ADAMTS17: variants seen among roughly 807,000 people sequenced by gnomAD.
ADAMTS17 encodes the protein A disintegrin and metalloproteinase with thrombospondin motifs 17.
ADAMTS17 carries 113 observed loss-of-function variants against 141.5 expected under a neutral mutation model. The ratio of observed to expected loss-of-function variants is 0.80; its 90% CI spans 0.69 to 0.93. The LOEUF (loss-of-function observed/expected upper bound fraction) is 0.93, where lower values mean the gene tolerates loss of function less well. Ranked by LOEUF, ADAMTS17 falls within the 40% of genes least tolerant of loss-of-function variation. The probability of loss-of-function intolerance (pLI) is 0.00; values close to 1 mark genes in which losing one functional copy is unlikely to be tolerated. For synonymous variants in ADAMTS17, 768 were observed against 630.6 expected (o/e 1.22, Z -3.27); for missense variants, 1,659 against 1,517.9 (o/e 1.09, Z -1.54).
intron 10 of ADAMTS17, among the ~76,000 whole-genome samples, chr15:100,134,408 T>G (rs1322964133): frequency 6.6e-6 from 1 of 152,150 alleles, no homozygotes; most frequent in Admixed American, 6.5e-5. Context: ...GAAGACGCAG[T>G]GATTCCAGGA....
chr15:99,993,826 G>A lies in ADAMTS17; in HGVS notation c.2797-626C>T, dbSNP rs187679987. 7.9e-5 allele frequency among the ~76,000 whole-genome samples: 12 copies of A among 152,312 alleles called. No homozygotes were observed. The East Asian group carries it at 2.1e-3, about 27-fold the overall frequency. On this transcript the variant is annotated intron_variant, in intron 19 of 21. Transcript: ENST00000268070. The surrounding 1 kb of genome is among the most constrained non-coding windows in gnomAD (Gnocchi z 4.3). ...GAATGGTGACAGACGCATGGCCCCT[G>A]TGGTAGTTTACTTACTTGCAGGAGA...
intron 6 of ADAMTS17, among the ~76,000 whole-genome samples, chr15:100,260,544 G>A (rs753308985): frequency 1.1e-4 from 16 of 151,766 alleles, no homozygotes; most frequent in East Asian, 7.8e-4. Context: ...AACCCAGGAC[G>A]CAGAGGTTGC....
At chr15:100,305,961 G>A (rs2045208554) in intron 3 of ADAMTS17, 1 of 153,022 alleles carries the variant, frequency 6.5e-6, no homozygotes. Context: ...ACTGACCAAG[G>A]ACACTCAGAG....
chr15:100,054,899 C>T (rs1425325160), intron 15 of ADAMTS17, among the ~76,000 whole-genome samples: 1 of 152,154 alleles, frequency 6.6e-6, no homozygotes, highest in Admixed American at 6.5e-5. Flanking sequence ...GAGTCGCTCA[C>T]CAGGATTTTT....
In ADAMTS17 at chr15:100,133,258, T is replaced by G; in HGVS notation, c.1531A>C (p.Lys511Gln). Residue 511 changes from lysine (K) to glutamine (Q), a missense_variant, in exon 11 of 22, where the codon AAG (lysine) becomes CAG (glutamine). Transcript: ENST00000268070. ...GTGCCATCCAGGGGAGGGTCCAGCT[T>G]GGTCTTGCAGGATGTGTCTCCTTCT... ...LVEGDTSCKTKLDPPLDGTEC... is the reference protein window; with the variant it reads ...LVEGDTSCKTQLDPPLDGTEC... 6.2e-7 allele frequency: 1 copy of G among 1,600,600 alleles called. No homozygotes were observed. Among genetic ancestry groups the G allele is most frequent in the Non-Finnish European group, 8.5e-7 (1 of 1,172,516 alleles).
At chr15:100,160,825 C>T (rs1012811934) in intron 8 of ADAMTS17, among the ~76,000 whole-genome samples, 7 of 152,188 alleles carry the variant, frequency 4.6e-5, no homozygotes, top group Admixed American at 1.3e-4. Context: ...CGGCTCATCA[C>T]TTTACAGTTT....
intron 14 of ADAMTS17, among the ~76,000 whole-genome samples, chr15:100,104,350 G>A (rs953290833): frequency 3.3e-5 from 5 of 151,186 alleles, no homozygotes; most frequent in Non-Finnish European, 7.3e-5. Context: ...TTTTATGAGT[G>A]CTGTTAAGTT....
At chr15:100,241,579 C>G (rs2042828810) in intron 7 of ADAMTS17, among the ~76,000 whole-genome samples, 1 of 152,244 alleles carries the variant, frequency 6.6e-6, no homozygotes, top group African/African-American at 2.4e-5. Flanking sequence ...ACAACCTCAG[C>G]CAGTCGGCCA....
chr15:100,162,893 T>C (rs1398655593), intron 8 of ADAMTS17, among the ~76,000 whole-genome samples: 1 of 146,624 alleles, frequency 6.8e-6, no homozygotes, highest in Non-Finnish European at 1.5e-5. Context: ...TATATGTGTA[T>C]ATAGAACTAT....
chr15:100,033,350 G>A (rs1365103636), intron 18 of ADAMTS17, among the ~76,000 whole-genome samples: 1 of 152,238 alleles, frequency 6.6e-6, no homozygotes, highest in Non-Finnish European at 1.5e-5. Context: ...AGCTGCTGAT[G>A]TTGAAAGTTC....
chr15:100,160,168 A>T (rs772287311), intron 8 of ADAMTS17, among the ~76,000 whole-genome samples: 1 of 152,052 alleles, frequency 6.6e-6, no homozygotes, highest in Non-Finnish European at 1.5e-5. Flanking sequence ...GTCCCTTAAG[A>T]AAACAACTCT....
At chr15:100,075,409 A>T (rs558653776) in intron 15 of ADAMTS17, among the ~76,000 whole-genome samples, 4 of 152,316 alleles carry the variant, frequency 2.6e-5, no homozygotes, top group African/African-American at 9.6e-5. Flanking sequence ...TACAGCAAAA[A>T]ATAACTGTTC....
chr15:100,057,663 T>G (rs966192030), intron 15 of ADAMTS17, among the ~76,000 whole-genome samples: 10 of 152,144 alleles, frequency 6.6e-5, no homozygotes, highest in African/African-American at 1.2e-4. Context: ...TCACGTGGGA[T>G]TGAACCCCAC....
At chr15:100,134,454 G>T (rs1219156468) in intron 10 of ADAMTS17, among the ~76,000 whole-genome samples, 1 of 152,182 alleles carries the variant, frequency 6.6e-6, no homozygotes, top group African/African-American at 2.4e-5. Flanking sequence ...GCCCAAGTTG[G>T]AGCAGGAAGA....
intron 8 of ADAMTS17, among the ~76,000 whole-genome samples, chr15:100,194,716 G>A (rs989257884): frequency 6.6e-6 from 1 of 152,058 alleles, no homozygotes; most frequent in African/African-American, 2.4e-5. Context: ...AATTGTGATC[G>A]GCATGTTGGA....
intron 4 of ADAMTS17, among the ~76,000 whole-genome samples, chr15:100,271,362 A>AT (rs2043904196): frequency 6.6e-6 from 1 of 152,018 alleles, no homozygotes; most frequent in African/African-American, 2.4e-5. Flanking sequence ...AAAATTTCCC[A>AT]TTTTTCCGCA....
chr15:100,070,247 C>G (rs1462948717), intron 15 of ADAMTS17, among the ~76,000 whole-genome samples: 1 of 142,076 alleles, frequency 7.0e-6, no homozygotes, highest in African/African-American at 2.5e-5. Context: ...TAAAGCAAGT[C>G]CTGAGTGACC....
At position 99,997,480 on chromosome 15, in the gene ADAMTS17, G is replaced by C. The variant is rs780220308; in HGVS notation, c.2701C>G (p.Arg901Gly). ...QLQNGTHVAT[R>G]PLYCPGPRPA... is the part of the protein sequence containing the mutation. The stretch of plus-strand genomic sequence containing the variant: ...CGGGGGCCCGGGCAGTAGAGGGGCC[G>C]CGTAGCGACGTGTGTGCCGTTCTGC... Residue 901 changes from arginine to glycine, a missense_variant, in exon 19 of 22, where the codon CGG becomes GGG. Physicochemically the swap from Arg to Gly is moderately radical, Grantham distance 125. Coordinates refer to ENST00000268070, the MANE Select transcript of ADAMTS17 (RefSeq NM_139057.4). This position sits in a 1 kb window ranked among gnomAD's most constrained non-coding sequence, Gnocchi z 4.7. 6.2e-6 allele frequency: 10 copies of C among 1,613,410 alleles called. No homozygotes were observed. Among genetic ancestry groups the C allele is most frequent in the Admixed American group, 5.0e-5 (3 of 59,988 alleles).
At chr15:100,175,294 G>T (rs932720440) in intron 8 of ADAMTS17, among the ~76,000 whole-genome samples, 2 of 152,198 alleles carry the variant, frequency 1.3e-5, no homozygotes, top group Non-Finnish European at 1.5e-5. Context: ...AGACTAATTG[G>T]TCTGGAACAG....
Sources: gnomAD v4.1 joint callset for allele counts (sites outside exome capture counted in the v4.1 genomes callset) on GRCh38, gnomAD v4.1.1 for gene constraint, Gnocchi (gnomAD v3.1) non-coding constraint, MANE v1.5 for transcripts, NCBI Gene and HGNC (gene_info 2026-07-23, HGNC 2026-07-21) for gene names.